Variants in SPAG17 observed in about 807,000 individuals in gnomAD.
The protein encoded by SPAG17 is sperm-associated antigen 17.
SPAG17 carries 169 observed loss-of-function variants against 273.6 expected under a neutral mutation model. That is an observed-to-expected ratio of 0.62 (90% CI 0.55 to 0.70). The LOEUF is 0.70. Ranked by LOEUF, SPAG17 falls within the 30% of genes least tolerant of loss-of-function variation. The pLI is 0.00. For synonymous variants in SPAG17, 825 were observed against 873.2 expected, an observed-to-expected ratio of 0.94 and a Z score of 0.97; for missense variants, 2,557 against 2,627.8, an observed-to-expected ratio of 0.97 and a Z score of 0.59.
chr1:118,090,056 A>C (rs1655266058), intron 10 of SPAG17, among the ~76,000 whole-genome samples: 1 of 152,214 alleles, frequency 6.6e-6, no homozygotes, highest in African/African-American at 2.4e-5. Context: ...CTTTGTTTAT[A>C]AATTACCCAG....
At chr1:118,028,079 C>A (rs1268215648) in intron 26 of SPAG17, among the ~76,000 whole-genome samples, 195 bp downstream of exon 26, 1 of 152,166 alleles carries the variant, frequency 6.6e-6, no homozygotes, top group Admixed American at 6.5e-5. Flanking sequence ...ATTTAGATCA[C>A]AGTATTTGTA....
At position 118,081,146 on chromosome 1, in the gene SPAG17, C is replaced by G; in HGVS notation, c.2164G>C (p.Glu722Gln). 1 of 1,614,028 alleles carries G rather than the reference C, an allele frequency of 6.2e-7. No homozygotes were observed. The highest frequency in any genetic ancestry group is 1.1e-5 in the South Asian group (1 of 91,072). The change falls in exon 15 of 49, where the codon GAG (glutamate) becomes CAG (glutamine). Residue 722 changes from glutamate (E) to glutamine (Q), a missense_variant. Physicochemically the swap from Glu to Gln is conservative, Grantham distance 29. Coordinates refer to ENST00000336338, the MANE Select transcript of SPAG17 (RefSeq NM_206996.4). ...TGAGCCTTCATGATGCTCTCCTGCTCTAACAGCTGTCTATTATCAGGGACT... is the reference window on the plus strand; with the variant it reads ...TGAGCCTTCATGATGCTCTCCTGCTGTAACAGCTGTCTATTATCAGGGACT... ...LSVPDNRQLL[E>Q]QESIMKAQPQ...
At chr1:118,136,358 T>G (rs1454678839) in intron 3 of SPAG17, among the ~76,000 whole-genome samples, 1 of 152,226 alleles carries the variant, frequency 6.6e-6, no homozygotes, top group South Asian at 2.1e-4. Context: ...TAGACTTTGC[T>G]AACCGCTTCC....
At chr1:118,028,526 G>A (rs1237270137) in intron 25 of SPAG17, 132 bp from the exon 26 acceptor site, 20 of 1,068,078 alleles carry the variant, frequency 1.9e-5, no homozygotes, top group Middle Eastern at 3.2e-4. Flanking sequence ...CTGCAAGGAC[G>A]CAGGAGTCTC....
chr1:117,967,143 A>G (rs1374671223), intron 46 of SPAG17, among the ~76,000 whole-genome samples: 6 of 152,010 alleles, frequency 3.9e-5, no homozygotes, highest in Admixed American at 3.3e-4. Flanking sequence ...GCAGACAAAG[A>G]TAAATTTAAT....
At chr1:118,016,251 A>G in intron 28 of SPAG17, 69 bp from the exon 29 acceptor site, 1 of 1,244,452 alleles carries the variant, frequency 8.0e-7, no homozygotes, top group Non-Finnish European at 1.2e-6. Flanking sequence ...ATCATTCACT[A>G]TGTTTTGACA....
chr1:118,080,369 G>C (rs1301584167), intron 15 of SPAG17, among the ~76,000 whole-genome samples: 2 of 152,180 alleles, frequency 1.3e-5, no homozygotes, highest in South Asian at 4.1e-4. Context: ...AGATTGAAAA[G>C]AGCAGGCTGT....
intron 1 of SPAG17, among the ~76,000 whole-genome samples, chr1:118,173,276 G>A (rs1439089020): frequency 2.0e-5 from 3 of 152,168 alleles, no homozygotes; most frequent in Non-Finnish European, 4.4e-5. Flanking sequence ...CTTGCTTCAT[G>A]TCCTCCCTGA....
intron 5 of SPAG17, among the ~76,000 whole-genome samples, chr1:118,100,074 T>C (rs1293064336): frequency 2.0e-5 from 3 of 152,252 alleles, no homozygotes; most frequent in Non-Finnish European, 2.9e-5. Flanking sequence ...CTTGTGGTCA[T>C]ATAAAATGTG....
intron 35 of SPAG17, among the ~76,000 whole-genome samples, chr1:117,992,927 T>C (rs1657272820): frequency 6.6e-6 from 1 of 152,182 alleles, no homozygotes; most frequent in African/African-American, 2.4e-5. Context: ...TGCTAAGCAA[T>C]GTAATAGCAG....
intron 1 of SPAG17, among the ~76,000 whole-genome samples, chr1:118,154,387 A>G (rs559973278): frequency 6.6e-6 from 1 of 152,362 alleles, no homozygotes; most frequent in African/African-American, 2.4e-5. Flanking sequence ...GAATGCCTAC[A>G]GAGAAGGATG....
intron 20 of SPAG17, among the ~76,000 whole-genome samples, chr1:118,053,644 C>A (rs1651317800): frequency 6.6e-6 from 1 of 151,664 alleles, no homozygotes; most frequent in Non-Finnish European, 1.5e-5. Flanking sequence ...AAAAATAAAT[C>A]TATAAAAATA....
At chr1:118,132,973 A>G (rs900635255) in intron 3 of SPAG17, among the ~76,000 whole-genome samples, 3 of 151,974 alleles carry the variant, frequency 2.0e-5, no homozygotes, top group East Asian at 1.9e-4. Flanking sequence ...GGGTTTCACT[A>G]TGTTGGCCAG....
intron 17 of SPAG17, among the ~76,000 whole-genome samples, chr1:118,072,151 CA>C (rs1238627800): frequency 1.3e-5 from 2 of 152,174 alleles, no homozygotes; most frequent in Non-Finnish European, 2.9e-5. Context: ...GAAGTCAGAA[CA>C]CTGTCAAAAA....
At chr1:118,098,533 A>G (rs1240124635) in intron 6 of SPAG17, among the ~76,000 whole-genome samples, 1 of 151,954 alleles carries the variant, frequency 6.6e-6, no homozygotes, top group Non-Finnish European at 1.5e-5. Flanking sequence ...ATTTTTACAG[A>G]GAGACTGTGT....
chr1:118,038,535 G>C (rs759153024), intron 23 of SPAG17, among the ~76,000 whole-genome samples: 13 of 152,150 alleles, frequency 8.5e-5, no homozygotes, highest in Non-Finnish European at 1.6e-4. Flanking sequence ...TCCTTCAGTA[G>C]GTGGGTGGGA....
At chr1:118,111,553 A>AACACACAC (rs61266210) in intron 4 of SPAG17, among the ~76,000 whole-genome samples, 40,959 of 135,610 alleles carry the variant, frequency 0.3, 7,103 homozygotes, top group Non-Finnish European at 0.38. Context: ...CTTTTAAAAC[A>AACACACAC]ACACACACAC....
chr1:118,096,804 G>A (rs544553732), intron 7 of SPAG17, among the ~76,000 whole-genome samples: 4 of 152,220 alleles, frequency 2.6e-5, no homozygotes, highest in South Asian at 4.2e-4. Context: ...TCTGTTTCAC[G>A]GTTTTAGTCT....
intron 3 of SPAG17, among the ~76,000 whole-genome samples, chr1:118,147,394 G>A (rs1358062420): frequency 6.6e-6 from 1 of 152,102 alleles, no homozygotes; most frequent in African/African-American, 2.4e-5. Flanking sequence ...CCAGTGCATG[G>A]GTTCATCTTC....
Sources: allele counts gnomAD v4.1 joint callset (sites outside exome capture counted in the v4.1 genomes callset), GRCh38; gene constraint gnomAD v4.1.1; transcripts MANE v1.5; gene names NCBI Gene and HGNC (gene_info 2026-07-23, HGNC 2026-07-21).